Variants in MYH9 observed in about 807,000 individuals in gnomAD.
The protein encoded by MYH9 is myosin heavy chain 9.
Under a neutral mutation model 241.9 loss-of-function variants are expected in MYH9, and 29 were observed. The observed-to-expected ratio is 0.12, with a 90% CI of 0.09 to 0.16. The LOEUF (loss-of-function observed/expected upper bound fraction) is 0.16. Among genes scored for constraint, MYH9 ranks in the 10% least tolerant of loss-of-function variants. The probability of loss-of-function intolerance (pLI) is 1.00; values close to 1 mark genes in which losing one functional copy is unlikely to be tolerated. For missense variants in MYH9, 1,803 were observed against 2,595.5 expected, an observed-to-expected ratio of 0.69 and a Z score of 6.63; for synonymous variants, 1,047 against 1,062.6, an observed-to-expected ratio of 0.99 and a Z score of 0.29.
intron 2 of MYH9, among the ~76,000 whole-genome samples, chr22:36,343,661 C>T (rs941153812): frequency 6.6e-6 from 1 of 151,924 alleles, no homozygotes; most frequent in Non-Finnish European, 1.5e-5. Context: ...GATAATTAGT[C>T]ACTTGTTTTC....
chr22:36,343,426 T>C (rs2017620466), intron 2 of MYH9, among the ~76,000 whole-genome samples: 1 of 151,442 alleles, frequency 6.6e-6, no homozygotes, highest in South Asian at 2.1e-4. Context: ...CATGCACCTG[T>C]AGTCCCAGCT....
At position 36,354,956 on chromosome 22, in the gene MYH9, A is replaced by AACACACACACACACACACACACACAC. The variant is rs136203; in HGVS notation, c.-19-5727_-19-5702dup. On this transcript the variant is annotated intron_variant, in intron 1 of 40. Transcript: ENST00000216181. ...AAAAAAACAAAAAAACAAAAAACAA[A>AACACACACACACACACACACACACAC]ACACACACACACACACACACACACA... 5.3e-4 allele frequency among the ~76,000 whole-genome samples: 66 copies of AACACACACACACACACACACACACAC among 123,708 alleles called. 5 individuals carry two copies. Among genetic ancestry groups the AACACACACACACACACACACACACAC allele is most frequent in the Non-Finnish European group, 6.5e-4 (39 of 59,886 alleles). The allele number at this position is 123,708 out of a possible 152,430, so 81.2% of individuals were successfully genotyped here.
intron 14 of MYH9, among the ~76,000 whole-genome samples, chr22:36,311,289 G>C (rs930373781): frequency 6.6e-6 from 1 of 152,202 alleles, no homozygotes; most frequent in Non-Finnish European, 1.5e-5. Context: ...TAAGTGTTGA[G>C]GGCAGGTCCA....
chr22:36,326,397 C>A (rs894409407), intron 5 of MYH9, among the ~76,000 whole-genome samples, 171 bp downstream of exon 5: 16 of 152,230 alleles, frequency 1.1e-4, no homozygotes, highest in Admixed American at 6.5e-5. Flanking sequence ...TACCGCTGGA[C>A]CACTCCCAGG....
chr22:36,321,394 C>T (rs533919783), intron 7 of MYH9, among the ~76,000 whole-genome samples: 5 of 152,178 alleles, frequency 3.3e-5, no homozygotes, highest in East Asian at 3.8e-4. Flanking sequence ...CTCACACCTT[C>T]GAGAGCCTTG....
chr22:36,364,871 AC>A (rs2017987261), intron 1 of MYH9: 1 of 152,094 alleles, frequency 6.6e-6, no homozygotes, highest in Non-Finnish European at 1.5e-5. Context: ...CTAACAGCAA[AC>A]TTTGCAGCTT....
At position 36,344,773 on chromosome 22, in the gene MYH9, G is replaced by A. The variant is rs1030833885; in HGVS notation, c.334-3247C>T. On this transcript the variant is annotated intron_variant, in intron 2 of 40. Transcript: ENST00000216181. ...AAAGACGCAGCCACTAACACTGAAT[G>A]TATCTGAATAATGACTGTTCCCTTT... 1.1e-4 allele frequency among the ~76,000 whole-genome samples: 16 copies of A among 152,322 alleles called. No homozygotes were observed. In the East Asian group the frequency reaches 3.1e-3, roughly 29 times the overall value.
In MYH9 at chr22:36,314,953, T is replaced by G. The variant is rs147206957; in HGVS notation, c.1381-635A>C. On this transcript the variant is annotated intron_variant, in intron 12 of 40. Transcript: ENST00000216181. Reference sequence around the variant, plus strand: ...TGTGAGCCACTGCACCAGGCCCTTCTATTTTTTTATTGAAGAGATGGGGCC... The same window carrying G: ...TGTGAGCCACTGCACCAGGCCCTTCGATTTTTTTATTGAAGAGATGGGGCC... 5.9e-3 allele frequency among the ~76,000 whole-genome samples: 906 copies of G among 152,302 alleles called. 8 individuals carry two copies. Among genetic ancestry groups the G allele is most frequent in the African/African-American group, 0.021 (865 of 41,568 alleles).
rs146184921 is a variant in MYH9 at position 36,288,282 on chromosome 22, G to A, written c.4902C>T (p.Asp1634=). 3.5e-4 allele frequency: 560 copies of A among 1,613,938 alleles called. No individual in the cohort carries two copies. Among genetic ancestry groups the A allele is most frequent in the Non-Finnish European group, 4.5e-4 (532 of 1,180,046 alleles). The stretch of plus-strand genomic sequence containing the variant: ...GCTTCCGCAGCTGTTTGATGGCTTC[G>A]TCCCGGTTCTTGTTGGCCGAGTCGA... The part of the protein sequence containing the change: ...AHIDSANKNR[D]EAIKQLRKLQ... The change falls in exon 34 of 41, where the codon GAC becomes GAT. Residue 1634 remains aspartate (D), a synonymous_variant. Transcript: ENST00000216181. This position sits in a 1 kb window ranked among gnomAD's most constrained non-coding sequence, Gnocchi z 4.8.
At chr22:36,332,615 GA>G (rs1016882633) in intron 3 of MYH9, among the ~76,000 whole-genome samples, 1 of 135,826 alleles carries the variant, frequency 7.4e-6, no homozygotes, top group African/African-American at 2.8e-5. Flanking sequence ...CCACTTATAG[GA>G]GGCAGAGAAT....
intron 19 of MYH9, among the ~76,000 whole-genome samples, chr22:36,303,090 C>T (rs1193320219): frequency 6.6e-6 from 1 of 152,138 alleles, no homozygotes; most frequent in South Asian, 2.1e-4. Flanking sequence ...GGTGGGAGAA[C>T]GTCAGAAGCT....
chr22:36,303,943 A>C, intron 19 of MYH9, 52 bp downstream of exon 19: 1 of 1,606,362 alleles, frequency 6.2e-7, no homozygotes, highest in Non-Finnish European at 8.5e-7. Flanking sequence ...TTGGCAACAG[A>C]AGGGCGTGGC....
At chr22:36,294,910 C>A (rs374850576) in intron 27 of MYH9, 22 bp downstream of exon 27, 39 of 1,609,634 alleles carry the variant, frequency 2.4e-5, no homozygotes, top group Non-Finnish European at 3.1e-5. Flanking sequence ...CCTCCCCCTG[C>A]GGTCTCAGGG....
rs556472181 is a variant in MYH9, at chr22:36,382,947, G to A, written c.-20+4860C>T. On this transcript the variant is annotated intron_variant, in intron 1 of 40. Coordinates refer to ENST00000216181, the MANE Select transcript of MYH9 (RefSeq NM_002473.6). ...CCTCGGAAATCAAACCTGGCCAGGT[G>A]CAGTATTTCACACCTGTAACCCCAG... Among the ~76,000 whole-genome samples the A allele has an allele frequency of 9.2e-5, 14 of 152,274 alleles. 1 individual carries two copies. In the South Asian group the frequency reaches 2.9e-3, roughly 32 times the overall value.
intron 11 of MYH9, 64 bp from the exon 12 acceptor site, chr22:36,316,733 T>TGC: frequency 6.3e-7 from 1 of 1,597,604 alleles, no homozygotes; most frequent in East Asian, 2.2e-5. Context: ...TCATACCCTA[T>TGC]GCCCCAGTAA....
At chr22:36,322,776 A>G (rs2017275833) in intron 5 of MYH9, among the ~76,000 whole-genome samples, 1 of 152,232 alleles carries the variant, frequency 6.6e-6, no homozygotes, top group South Asian at 2.1e-4. Flanking sequence ...AACGGCAGGC[A>G]GGAAGCTCCC....
intron 2 of MYH9, among the ~76,000 whole-genome samples, chr22:36,345,095 A>G (rs1186379716): frequency 6.6e-6 from 1 of 151,890 alleles, no homozygotes; most frequent in African/African-American, 2.4e-5. Context: ...GGAGGATCAC[A>G]AGGTCAGGAG....
intron 24 of MYH9, among the ~76,000 whole-genome samples, chr22:36,298,032 C>T (rs2016815570): frequency 6.6e-6 from 1 of 152,180 alleles, no homozygotes; most frequent in Non-Finnish European, 1.5e-5. Context: ...CTTCCGGGCT[C>T]CTCCCAGGTG....
intron 13 of MYH9, among the ~76,000 whole-genome samples, chr22:36,313,611 T>A (rs2146356158): frequency 6.6e-6 from 1 of 152,240 alleles, no homozygotes; most frequent in East Asian, 1.9e-4. Flanking sequence ...GGTTCCTCTT[T>A]TCCATCTTCA....
Sources: gnomAD v4.1 joint callset for allele counts (sites outside exome capture counted in the v4.1 genomes callset) on GRCh38, gnomAD v4.1.1 for gene constraint, Gnocchi (gnomAD v3.1) non-coding constraint, MANE v1.5 for transcripts, NCBI Gene and HGNC (gene_info 2026-07-23, HGNC 2026-07-21) for gene names.